Variants in CNTNAP2 observed in about 807,000 individuals in gnomAD.
The protein encoded by CNTNAP2 is contactin associated protein 2, also known as contactin-associated protein-like 2.
Under a neutral mutation model 155.2 loss-of-function variants are expected in CNTNAP2, and 98 were observed. The observed-to-expected ratio is 0.63, with a 90% CI of 0.54 to 0.75. CNTNAP2 has a LOEUF of 0.75. CNTNAP2 is among the 30% of genes least tolerant of loss of function. The pLI, the probability that CNTNAP2 is intolerant of heterozygous loss-of-function variation, is 0.00. For synonymous variants in CNTNAP2, 651 were observed against 631.2 expected (o/e 1.03, Z -0.47); for missense variants, 1,727 against 1,688.1 (o/e 1.02, Z -0.40).
At chr7:146,955,354 T>G (rs944390584) in intron 3 of CNTNAP2, among the ~76,000 whole-genome samples, 5 of 151,986 alleles carry the variant, frequency 3.3e-5, no homozygotes, top group Non-Finnish European at 5.9e-5. Flanking sequence ...AAGCTGTTTA[T>G]ACTTTTCCTA....
At chr7:147,120,170 A>G (rs886822110) in intron 5 of CNTNAP2, among the ~76,000 whole-genome samples, 1 of 152,210 alleles carries the variant, frequency 6.6e-6, no homozygotes, top group East Asian at 1.9e-4. Context: ...GTCAATGAAA[A>G]TTAAAAATGG....
At chr7:146,400,348 G>T (rs1795696433) in intron 1 of CNTNAP2, among the ~76,000 whole-genome samples, 1 of 152,118 alleles carries the variant, frequency 6.6e-6, no homozygotes, top group South Asian at 2.1e-4. Flanking sequence ...GGTAGGTATT[G>T]TTCTCGACTT....
At chr7:147,888,630 A>G (rs1799636366) in intron 13 of CNTNAP2, among the ~76,000 whole-genome samples, 1 of 142,868 alleles carries the variant, frequency 7.0e-6, no homozygotes, top group Non-Finnish European at 1.6e-5. Flanking sequence ...AATGAAAGCA[A>G]TCCCCAGCTA....
chr7:146,524,842 G>A (rs1222092748), intron 1 of CNTNAP2, among the ~76,000 whole-genome samples: 4 of 151,994 alleles, frequency 2.6e-5, no homozygotes, highest in East Asian at 1.9e-4. Flanking sequence ...TATTATTATC[G>A]TTTCTTCTAC....
chr7:147,266,266 T>C (rs1392322559), intron 8 of CNTNAP2, among the ~76,000 whole-genome samples: 1 of 152,186 alleles, frequency 6.6e-6, no homozygotes, highest in East Asian at 1.9e-4. Flanking sequence ...CTAACTAGAA[T>C]AACCAGTTGA....
At chr7:148,096,781 T>C (rs998263009) in intron 15 of CNTNAP2, among the ~76,000 whole-genome samples, 5 of 152,136 alleles carry the variant, frequency 3.3e-5, no homozygotes, top group African/African-American at 7.2e-5. Context: ...TCACTGGGCA[T>C]TGAAGCACAA....
chr7:147,935,189 C>T (rs1481397338), intron 14 of CNTNAP2, among the ~76,000 whole-genome samples: 5 of 151,344 alleles, frequency 3.3e-5, no homozygotes. Flanking sequence ...TGCAGTGGTG[C>T]GATCTCGGCT....
At chr7:147,064,158 C>T (rs1353090542) in intron 4 of CNTNAP2, among the ~76,000 whole-genome samples, 2 of 152,058 alleles carry the variant, frequency 1.3e-5, no homozygotes, top group Admixed American at 6.6e-5. Context: ...GCTGACTTAC[C>T]ATTAGCATGC....
intron 7 of CNTNAP2, among the ~76,000 whole-genome samples, chr7:147,129,941 C>T (rs1443212735): frequency 6.6e-6 from 1 of 151,864 alleles, no homozygotes; most frequent in African/African-American, 2.4e-5. Flanking sequence ...AATAATAGCT[C>T]CATTTATAGG....
chr7:147,677,449 T>C (rs1198831195), intron 13 of CNTNAP2, among the ~76,000 whole-genome samples: 1 of 151,912 alleles, frequency 6.6e-6, no homozygotes, highest in Non-Finnish European at 1.5e-5. Flanking sequence ...AAATATTTTC[T>C]TTCCCCCATT....
chr7:146,247,447 A>T lies in CNTNAP2; in HGVS notation c.97+130474A>T, dbSNP rs565867286. Among the ~76,000 whole-genome samples, 5 of 151,460 alleles carry T rather than the reference A, an allele frequency of 3.3e-5. No individual in the cohort carries two copies. In the East Asian group the frequency reaches 9.8e-4, roughly 30 times the overall value. ...TAGCTCAGCCTGGCCAGGAGGGGAG[A>T]GGTAGAAAAGGAAGATTAGAAAGAC... On this transcript the variant is annotated intron_variant, in intron 1 of 23. Coordinates refer to ENST00000361727, the MANE Select transcript of CNTNAP2 (RefSeq NM_014141.6).
At chr7:148,223,983 T>G (rs2116768710) in intron 19 of CNTNAP2, among the ~76,000 whole-genome samples, 1 of 152,236 alleles carries the variant, frequency 6.6e-6, no homozygotes, top group South Asian at 2.1e-4. Context: ...CACACACATA[T>G]TGCCTGACCC....
chr7:146,819,975 A>G (rs532414561), intron 2 of CNTNAP2, among the ~76,000 whole-genome samples: 1 of 152,296 alleles, frequency 6.6e-6, no homozygotes, highest in African/African-American at 2.4e-5. Context: ...TGGAATATCC[A>G]TACAACTTAT....
At chr7:148,128,654 G>A (rs1804764703) in intron 16 of CNTNAP2, among the ~76,000 whole-genome samples, 1 of 152,186 alleles carries the variant, frequency 6.6e-6, no homozygotes, top group South Asian at 2.1e-4. Context: ...GTATCCTAGA[G>A]TTATGAAGAT....
intron 1 of CNTNAP2, among the ~76,000 whole-genome samples, chr7:146,206,662 T>G (rs556323638): frequency 1.3e-5 from 2 of 151,942 alleles, no homozygotes; most frequent in Non-Finnish European, 2.9e-5. Context: ...CAACATTATT[T>G]TGTACTGCAA....
intron 1 of CNTNAP2, among the ~76,000 whole-genome samples, chr7:146,543,010 A>G (rs1251952519): frequency 6.6e-6 from 1 of 151,904 alleles, no homozygotes; most frequent in Non-Finnish European, 1.5e-5. Flanking sequence ...CATGATGACT[A>G]TAGTTAATAA....
At chr7:147,029,027 G>A (rs376675894) in intron 3 of CNTNAP2, among the ~76,000 whole-genome samples, 2 of 146,872 alleles carry the variant, frequency 1.4e-5, no homozygotes, top group Admixed American at 1.4e-4. Context: ...GCAGTGGTGC[G>A]ATCTCGGCTC....
At chr7:148,119,460 C>T (rs1344469767) in intron 16 of CNTNAP2, among the ~76,000 whole-genome samples, 1 of 152,098 alleles carries the variant, frequency 6.6e-6, no homozygotes, top group Non-Finnish European at 1.5e-5. Context: ...TAAGTAAACC[C>T]GGGAGGCGGA....
intron 16 of CNTNAP2, among the ~76,000 whole-genome samples, chr7:148,137,458 G>A (rs959493720): frequency 9.2e-5 from 14 of 152,138 alleles, no homozygotes; most frequent in East Asian, 5.8e-4. Context: ...TCAGGAGTTC[G>A]AGACCAGCCT....
Sources: allele counts gnomAD v4.1 joint callset (sites outside exome capture counted in the v4.1 genomes callset), GRCh38; gene constraint gnomAD v4.1.1; transcripts MANE v1.5; gene names NCBI Gene and HGNC (gene_info 2026-07-23, HGNC 2026-07-21).